The following NUP210L variants were observed in gnomAD, a reference collection of about 807,000 sequenced individuals.
The protein encoded by NUP210L is nucleoporin 210 like.
Under a neutral mutation model 208.5 loss-of-function variants are expected in NUP210L, and 74 were observed. The observed-to-expected ratio is 0.35, with a 90% CI of 0.29 to 0.43. The LOEUF is 0.43. NUP210L is among the 20% of genes least tolerant of loss of function. NUP210L has a pLI of 1.00. For missense variants in NUP210L, 1,843 were observed against 2,289.4 expected (o/e 0.81, Z 3.98); for synonymous variants, 780 against 816.9 (o/e 0.95, Z 0.77).
chr1:154,035,120 G>A (rs543917617), intron 27 of NUP210L, among the ~76,000 whole-genome samples: 38 of 152,228 alleles, frequency 2.5e-4, no homozygotes, highest in Middle Eastern at 3.4e-3. Context: ...GATTACAGGC[G>A]TGAGCCACCA....
chr1:153,998,477 C>T (rs1650024278), intron 37 of NUP210L, among the ~76,000 whole-genome samples: 1 of 151,032 alleles, frequency 6.6e-6, no homozygotes, highest in Non-Finnish European at 1.5e-5. Flanking sequence ...ATTGCTTGAA[C>T]CTGGGAGTGG....
chr1:153,997,334 T>G (rs1008024003), intron 37 of NUP210L, among the ~76,000 whole-genome samples: 3 of 151,622 alleles, frequency 2.0e-5, no homozygotes, highest in Admixed American at 6.6e-5. Context: ...AGAGATGAGG[T>G]CTCTCTATGT....
At chr1:154,013,865 A>G (rs61805529) in intron 33 of NUP210L, among the ~76,000 whole-genome samples, 17,663 of 152,074 alleles carry the variant, frequency 0.12, 1,584 homozygotes, top group East Asian at 0.49. Flanking sequence ...CCTGGGTTCC[A>G]GCAGTTCTCC....
intron 13 of NUP210L, among the ~76,000 whole-genome samples, chr1:154,103,430 T>C (rs1224576679): frequency 2.0e-5 from 3 of 148,824 alleles, no homozygotes; most frequent in Admixed American, 6.7e-5. Context: ...CCCAGCACTT[T>C]GGGAGGCCGA....
exon 4 of NUP210L, chr1:154,141,511 A>G (rs1368921001): frequency 4.4e-6 from 7 of 1,608,006 alleles, no homozygotes; most frequent in Admixed American, 1.7e-5. Flanking sequence ...CTGCCAAACT[A>G]CTAAAAGTAT....
At chr1:154,023,342 G>A (rs1651675445) in intron 30 of NUP210L, 45 bp from the exon 31 acceptor site, 1 of 1,437,392 alleles carries the variant, frequency 7.0e-7, no homozygotes, top group Non-Finnish European at 9.6e-7. Context: ...ATGCACTGGA[G>A]AAGTGCTGCA....
At chr1:154,053,390 T>C (rs1653632190) in intron 25 of NUP210L, among the ~76,000 whole-genome samples, 5 of 152,360 alleles carry the variant, frequency 3.3e-5, no homozygotes, top group African/African-American at 1.2e-4. Context: ...CCTTTGCTTT[T>C]ATTGTCTTGC....
chr1:154,060,881 T>C, intron 19 of NUP210L, 61 bp downstream of exon 19: 1 of 1,159,978 alleles, frequency 8.6e-7, no homozygotes, highest in South Asian at 1.3e-5. Context: ...TGTTATGCTA[T>C]TAATTTTAAT....
At chr1:154,123,480 C>T (rs1657717618) in intron 10 of NUP210L, among the ~76,000 whole-genome samples, 1 of 152,174 alleles carries the variant, frequency 6.6e-6, no homozygotes, top group South Asian at 2.1e-4. Context: ...TCATGCTGAA[C>T]ATCTTTTAAT....
rs1445032931 is a variant in NUP210L, at chr1:154,054,913, T to G, written c.3241-81A>C. Reference sequence around the variant, plus strand: ...ATATCATGGTCATTTAAATTTTTTTTTTTTTTAGACAGAGTCTTGCTCTGT... The same window carrying G: ...ATATCATGGTCATTTAAATTTTTTTGTTTTTTAGACAGAGTCTTGCTCTGT... On this transcript the variant is annotated intron_variant, in intron 23 of 39. Coordinates refer to ENST00000368559, the Ensembl canonical transcript of NUP210L. 1.0e-4 allele frequency: 102 copies of G among 1,015,142 alleles called. 1 individual carries two copies. The East Asian group carries it at 2.6e-3, about 26-fold the overall frequency. The allele number at this position is 1,015,142 out of a possible 1,614,324, so 62.9% of individuals were successfully genotyped here. A position where few individuals can be genotyped will look rare whatever the true frequency, so the allele number is the denominator to read the frequency against.
At chr1:154,036,259 AGT>A (rs1652535226) in intron 27 of NUP210L, among the ~76,000 whole-genome samples, 1 of 148,810 alleles carries the variant, frequency 6.7e-6, no homozygotes, top group Non-Finnish European at 1.5e-5. Context: ...ATATAATTTC[AGT>A]GTTTTTAATT....
chr1:154,083,144 C>G (rs185022122), intron 16 of NUP210L, among the ~76,000 whole-genome samples: 18 of 152,266 alleles, frequency 1.2e-4, no homozygotes, highest in Middle Eastern at 3.4e-3. Flanking sequence ...ACTGTCGGCT[C>G]GGTGGCCAGC....
intron 5 of NUP210L, 59 bp downstream of exon 5, chr1:154,139,743 A>G: frequency 7.4e-7 from 1 of 1,359,620 alleles, no homozygotes; most frequent in Non-Finnish European, 1.0e-6. Flanking sequence ...TGGGCAACAG[A>G]GTTAGACCAT....
chr1:154,118,762 T>G (rs1272010912), exon 11 of NUP210L: 2 of 1,595,950 alleles, frequency 1.3e-6, no homozygotes, highest in East Asian at 2.2e-5. Context: ...AATCTTCACT[T>G]CTTGTTGGTG....
chr1:154,124,997 G>A (rs1571302692), intron 10 of NUP210L, among the ~76,000 whole-genome samples: 1 of 151,456 alleles, frequency 6.6e-6, no homozygotes, highest in Non-Finnish European at 1.5e-5. Context: ...GATGACACAT[G>A]GAAATGTGCA....
chr1:154,043,593 C>T (rs1653009706), intron 27 of NUP210L, among the ~76,000 whole-genome samples: 1 of 145,732 alleles, frequency 6.9e-6, no homozygotes, highest in Admixed American at 7.0e-5. Flanking sequence ...AAGTGAGCCA[C>T]TGTGTAATTA....
intron 32 of NUP210L, among the ~76,000 whole-genome samples, chr1:154,020,804 C>T (rs548120248): frequency 5.3e-5 from 8 of 151,978 alleles, no homozygotes; most frequent in African/African-American, 1.9e-4. Flanking sequence ...GGGTTACAGG[C>T]GTGAGTCACT....
intron 17 of NUP210L, 30 bp downstream of exon 17, chr1:154,070,243 T>C: frequency 6.7e-7 from 1 of 1,502,076 alleles, no homozygotes; most frequent in East Asian, 2.3e-5. Flanking sequence ...CACTCAGGTA[T>C]ATGAAAAGAC....
At chr1:154,106,158 G>A (rs1656749766) in intron 12 of NUP210L, among the ~76,000 whole-genome samples, 1 of 152,100 alleles carries the variant, frequency 6.6e-6, no homozygotes, top group Admixed American at 6.6e-5. Flanking sequence ...CTACTCGGAA[G>A]GCTGAGGCAA....
Sources: allele counts gnomAD v4.1 joint callset (sites outside exome capture counted in the v4.1 genomes callset), GRCh38; gene constraint gnomAD v4.1.1; transcripts MANE v1.5; gene names NCBI Gene and HGNC (gene_info 2026-07-23, HGNC 2026-07-21).